Variants in CPNE4 observed in about 807,000 individuals in gnomAD.
CPNE4 encodes the protein copine 4, also known as copine-4.
CPNE4 carries 25 observed loss-of-function variants against 67.9 expected under a neutral mutation model. The observed-to-expected ratio is 0.37, with a 90% CI of 0.27 to 0.51. The LOEUF (loss-of-function observed/expected upper bound fraction) is 0.51, where lower values mean the gene tolerates loss of function less well. Among genes scored for constraint, CPNE4 ranks in the 20% least tolerant of loss-of-function variants. The pLI is 0.93. For missense variants in CPNE4, 464 were observed against 690.8 expected (o/e 0.67, Z 3.68); for synonymous variants, 242 against 244.9 (o/e 0.99, Z 0.11).
intron 1 of CPNE4, among the ~76,000 whole-genome samples, chr3:131,942,213 T>C (rs891674842): frequency 4.6e-5 from 7 of 152,082 alleles, no homozygotes; most frequent in African/African-American, 7.2e-5. Context: ...TGTCTCTTGT[T>C]TATAAGGCAC....
chr3:131,743,962 C>CAAAAAAAAAAAAAA (rs67791015), intron 2 of CPNE4, among the ~76,000 whole-genome samples: 6 of 59,198 alleles, frequency 1.0e-4, no homozygotes, highest in Admixed American at 2.8e-4. Flanking sequence ...GACTCCGTCT[C>CAAAAAAAAAAAAAA]AAAAAAAAAA....
intron 2 of CPNE4, among the ~76,000 whole-genome samples, chr3:131,788,362 C>A (rs1293057911): frequency 6.6e-6 from 1 of 151,938 alleles, no homozygotes; most frequent in African/African-American, 2.4e-5. Context: ...ATTGAATGTA[C>A]AATTTCAAAA....
intron 2 of CPNE4, among the ~76,000 whole-genome samples, chr3:131,840,934 T>C (rs1320069714): frequency 4.6e-5 from 7 of 152,172 alleles, no homozygotes; most frequent in Non-Finnish European, 1.0e-4. Context: ...CTCTCCCTCC[T>C]GCCTGCACCC....
At chr3:131,880,584 G>A (rs1207938644) in intron 2 of CPNE4, among the ~76,000 whole-genome samples, 1 of 152,142 alleles carries the variant, frequency 6.6e-6, no homozygotes, top group Non-Finnish European at 1.5e-5. Flanking sequence ...CAGATCCCTT[G>A]TGAAAACTCA....
chr3:131,968,466 A>G (rs2107940244), intron 1 of CPNE4, among the ~76,000 whole-genome samples: 1 of 152,368 alleles, frequency 6.6e-6, no homozygotes, highest in Non-Finnish European at 1.5e-5. Context: ...CCATCTGACA[A>G]AGGTCTAATA....
intron 12 of CPNE4, 53 bp from the exon 13 acceptor site, chr3:131,552,544 A>C: frequency 6.7e-7 from 1 of 1,499,900 alleles, no homozygotes; most frequent in Admixed American, 1.7e-5. Context: ...TTACAACTTT[A>C]ATCCAGTAAG....
intron 1 of CPNE4, among the ~76,000 whole-genome samples, chr3:131,915,364 T>C (rs939564597): frequency 1.3e-5 from 2 of 152,190 alleles, no homozygotes; most frequent in Admixed American, 6.5e-5. Context: ...TTTACTTCCT[T>C]TATTCCCAAG....
At chr3:131,762,466 T>C (rs893858501) in intron 2 of CPNE4, among the ~76,000 whole-genome samples, 2 of 152,128 alleles carry the variant, frequency 1.3e-5, no homozygotes, top group Non-Finnish European at 2.9e-5. Context: ...TACCAAGTGT[T>C]ATTCATTTGC....
intron 2 of CPNE4, among the ~76,000 whole-genome samples, chr3:131,833,262 C>T (rs2085442897): frequency 6.6e-6 from 1 of 152,174 alleles, no homozygotes; most frequent in South Asian, 2.1e-4. Flanking sequence ...ACAGCAAGCC[C>T]AGCCAGTTTT....
At chr3:131,900,024 T>C (rs1200243502) in intron 2 of CPNE4, among the ~76,000 whole-genome samples, 1 of 151,952 alleles carries the variant, frequency 6.6e-6, no homozygotes, top group Non-Finnish European at 1.5e-5. Context: ...TGCTAGGTCA[T>C]ATGGTGACCA....
chr3:132,011,266 G>A (rs1439619668), intron 1 of CPNE4, among the ~76,000 whole-genome samples: 2 of 152,178 alleles, frequency 1.3e-5, no homozygotes, highest in Non-Finnish European at 2.9e-5. Context: ...TCACAAAAAC[G>A]AGTTGGCAGA....
chr3:131,811,707 TAAC>T (rs1374308481), intron 2 of CPNE4, among the ~76,000 whole-genome samples: 3 of 152,164 alleles, frequency 2.0e-5, no homozygotes, highest in Admixed American at 1.3e-4. Flanking sequence ...TTTCTCAAGT[TAAC>T]AAATAGTATA....
chr3:131,667,356 TG>T (rs2080291387), intron 7 of CPNE4, among the ~76,000 whole-genome samples: 1 of 152,204 alleles, frequency 6.6e-6, no homozygotes, highest in South Asian at 2.1e-4. Context: ...ACTATACCAG[TG>T]GTTCTTAACT....
chr3:131,664,580 G>C (rs1034166124), intron 7 of CPNE4, among the ~76,000 whole-genome samples: 1 of 152,020 alleles, frequency 6.6e-6, no homozygotes, highest in Admixed American at 6.6e-5. Context: ...TGGTTGAAAA[G>C]GTCAAGAAAT....
intron 7 of CPNE4, among the ~76,000 whole-genome samples, chr3:131,629,892 GTC>G (rs1219699674): frequency 6.6e-6 from 1 of 151,720 alleles, no homozygotes; most frequent in Non-Finnish European, 1.5e-5. Flanking sequence ...TGTGAATGTG[GTC>G]TCTCTCTCGT....
intron 7 of CPNE4, among the ~76,000 whole-genome samples, chr3:131,667,643 C>A (rs775914400): frequency 1.3e-5 from 2 of 151,454 alleles, no homozygotes; most frequent in Non-Finnish European, 2.9e-5. Context: ...TTTTTTCCTT[C>A]TTTTCCTCTA....
At chr3:131,561,337 CTGTG>C (rs56788885) in intron 11 of CPNE4, among the ~76,000 whole-genome samples, 9 of 148,264 alleles carry the variant, frequency 6.1e-5, no homozygotes, top group African/African-American at 1.2e-4. Flanking sequence ...TTGTGTGGGC[CTGTG>C]TGTGTGTGTG....
At chr3:131,895,318 A>C (rs2088284427) in intron 2 of CPNE4, among the ~76,000 whole-genome samples, 1 of 152,052 alleles carries the variant, frequency 6.6e-6, no homozygotes, top group Admixed American at 6.6e-5. Context: ...AATGGTTAAC[A>C]GTAAAATGCT....
At chr3:131,679,329 T>G (rs1464805770) in intron 6 of CPNE4, among the ~76,000 whole-genome samples, 1 of 152,150 alleles carries the variant, frequency 6.6e-6, no homozygotes, top group Non-Finnish European at 1.5e-5. Flanking sequence ...CCTTTTCTTC[T>G]TTATTAGTAT....
Sources: allele counts gnomAD v4.1 joint callset (sites outside exome capture counted in the v4.1 genomes callset), GRCh38; gene constraint gnomAD v4.1.1; transcripts MANE v1.5; gene names NCBI Gene and HGNC (gene_info 2026-07-23, HGNC 2026-07-21).